The following ZNF804B variants were observed in gnomAD, a reference collection of about 807,000 sequenced individuals.
The protein encoded by ZNF804B is zinc finger 804B.
ZNF804B carries 80 observed loss-of-function variants against 101.4 expected under a neutral mutation model. The ratio of observed to expected loss-of-function variants is 0.79; its 90% CI spans 0.66 to 0.95. The LOEUF is 0.95. ZNF804B is among the 40% of genes least tolerant of loss of function. The pLI, the probability that ZNF804B is intolerant of heterozygous loss-of-function variation, is 0.00. For synonymous variants in ZNF804B, 622 were observed against 558.8 expected, an observed-to-expected ratio of 1.11 and a Z score of -1.59; for missense variants, 1,673 against 1,561.9, an observed-to-expected ratio of 1.07 and a Z score of -1.20.
chr7:88,774,202 GTT>G (rs11349793), intron 1 of ZNF804B, among the ~76,000 whole-genome samples: 14,635 of 134,316 alleles, frequency 0.11, 967 homozygotes, highest in East Asian at 0.37. Flanking sequence ...TGTTTTTTAA[GTT>G]TTTTTTTTTT....
At chr7:89,199,696 T>C (rs1359691986) in intron 1 of ZNF804B, among the ~76,000 whole-genome samples, 1 of 151,806 alleles carries the variant, frequency 6.6e-6, no homozygotes, top group Non-Finnish European at 1.5e-5. Flanking sequence ...GCCTTTTCAT[T>C]TTTAATAACT....
intron 1 of ZNF804B, among the ~76,000 whole-genome samples, chr7:89,102,891 CTTCTGCA>C (rs1200179588): frequency 1.3e-5 from 2 of 151,548 alleles, no homozygotes; most frequent in African/African-American, 4.8e-5. Flanking sequence ...CAGCTTCATT[CTTCTGCA>C]TATGGCTAGC....
chr7:89,069,569 T>C (rs958394731), intron 1 of ZNF804B, among the ~76,000 whole-genome samples: 32 of 152,322 alleles, frequency 2.1e-4, no homozygotes, highest in Middle Eastern at 3.4e-3. Context: ...CAAAGTATGA[T>C]ATACGATAAG....
At chr7:89,104,616 C>T (rs1416475308) in intron 1 of ZNF804B, among the ~76,000 whole-genome samples, 1 of 151,910 alleles carries the variant, frequency 6.6e-6, no homozygotes, top group East Asian at 1.9e-4. Flanking sequence ...GGACAAGTCC[C>T]ATGACTCTCT....
chr7:89,198,692 T>G (rs1296523221), intron 1 of ZNF804B, among the ~76,000 whole-genome samples: 1 of 151,918 alleles, frequency 6.6e-6, no homozygotes, highest in African/African-American at 2.4e-5. Context: ...AATAACTGCT[T>G]TTTTATAAAG....
intron 1 of ZNF804B, among the ~76,000 whole-genome samples, chr7:88,951,772 A>G (rs1208957606): frequency 1.3e-5 from 2 of 151,844 alleles, no homozygotes; most frequent in Non-Finnish European, 2.9e-5. Context: ...AAACAAAACA[A>G]AACCCATTAA....
intron 1 of ZNF804B, among the ~76,000 whole-genome samples, chr7:89,073,220 A>G (rs1789568238): frequency 6.6e-6 from 1 of 152,112 alleles, no homozygotes; most frequent in African/African-American, 2.4e-5. Context: ...AGTTGGTAGA[A>G]ACTGTTTCTT....
intron 1 of ZNF804B, among the ~76,000 whole-genome samples, chr7:89,093,720 G>A (rs913311423): frequency 3.9e-5 from 6 of 152,228 alleles, no homozygotes; most frequent in Admixed American, 1.3e-4. Flanking sequence ...AAGTCCATGT[G>A]TCTGAAGGAA....
intron 1 of ZNF804B, among the ~76,000 whole-genome samples, chr7:89,193,958 A>G (rs1246264154): frequency 6.6e-6 from 1 of 152,154 alleles, no homozygotes; most frequent in Non-Finnish European, 1.5e-5. Context: ...TTTTCTCCAC[A>G]TCCTCTCCAG....
chr7:89,082,210 G>A (rs1789707494), intron 1 of ZNF804B, among the ~76,000 whole-genome samples: 1 of 151,496 alleles, frequency 6.6e-6, no homozygotes, highest in African/African-American at 2.4e-5. Flanking sequence ...AATGCCAAAT[G>A]ACAACTCAAC....
intron 1 of ZNF804B, among the ~76,000 whole-genome samples, chr7:89,098,390 A>C (rs552433075): frequency 6.6e-6 from 1 of 151,484 alleles, no homozygotes; most frequent in South Asian, 2.1e-4. Flanking sequence ...CTCCTACCTC[A>C]GTCTCCTGAG....
chr7:89,283,320 T>C (rs568548218), intron 2 of ZNF804B, among the ~76,000 whole-genome samples: 1 of 152,336 alleles, frequency 6.6e-6, no homozygotes, highest in East Asian at 1.9e-4. Context: ...GAAAGTTTTG[T>C]AAAAAACAGT....
At chr7:88,971,372 A>AT (rs1793535697) in intron 1 of ZNF804B, among the ~76,000 whole-genome samples, 1 of 151,658 alleles carries the variant, frequency 6.6e-6, no homozygotes, top group Non-Finnish European at 1.5e-5. Flanking sequence ...CAATAAGACA[A>AT]TTTTTGACAA....
intron 1 of ZNF804B, among the ~76,000 whole-genome samples, chr7:88,865,816 C>T (rs558250136): frequency 3.7e-4 from 57 of 152,284 alleles, no homozygotes; most frequent in African/African-American, 1.3e-3. Context: ...CTTTGTAACT[C>T]GGACCAAATG....
At chr7:89,143,778 C>G (rs950351751) in intron 1 of ZNF804B, among the ~76,000 whole-genome samples, 1 of 151,942 alleles carries the variant, frequency 6.6e-6, no homozygotes, top group African/African-American at 2.4e-5. Context: ...AATGCTATAA[C>G]AAGTAAGTAT....
intron 2 of ZNF804B, among the ~76,000 whole-genome samples, chr7:89,251,713 A>G (rs904572174): frequency 5.9e-5 from 9 of 152,196 alleles, no homozygotes; most frequent in African/African-American, 2.2e-4. Context: ...ACAAAAATAG[A>G]AAGACCAATG....
At chr7:89,005,132 C>T (rs1788353561) in intron 1 of ZNF804B, among the ~76,000 whole-genome samples, 1 of 151,992 alleles carries the variant, frequency 6.6e-6, no homozygotes, top group African/African-American at 2.4e-5. Context: ...CTCACAAAAA[C>T]TCATCACAAA....
chr7:88,861,985 A>G (rs1247860015), intron 1 of ZNF804B, among the ~76,000 whole-genome samples: 1 of 152,150 alleles, frequency 6.6e-6, no homozygotes, highest in African/African-American at 2.4e-5. Flanking sequence ...GCTAAGGACA[A>G]CTGACAATCA....
At position 88,894,373 on chromosome 7, in the gene ZNF804B, C is replaced by T. The variant is rs1012676402; in HGVS notation, c.108+134289C>T. 1.2e-4 allele frequency among the ~76,000 whole-genome samples: 18 copies of T among 151,938 alleles called. 1 individual carries two copies. Among genetic ancestry groups the T allele is most frequent in the African/African-American group, 4.4e-4 (18 of 41,362 alleles). Reference sequence around the variant, plus strand: ...GGATACAGATATGCACCACCATGCCCAACTAACTTTGTATTTTTAGTAGAG... The same window carrying T: ...GGATACAGATATGCACCACCATGCCTAACTAACTTTGTATTTTTAGTAGAG... On this transcript the variant is annotated intron_variant, in intron 1 of 3. Coordinates refer to ENST00000333190, the MANE Select transcript of ZNF804B (RefSeq NM_181646.5).
Sources: gnomAD v4.1 joint callset for allele counts (sites outside exome capture counted in the v4.1 genomes callset) on GRCh38, gnomAD v4.1.1 for gene constraint, MANE v1.5 for transcripts, NCBI Gene and HGNC (gene_info 2026-07-23, HGNC 2026-07-21) for gene names.